The following LRPPRC variants were observed in gnomAD, a reference collection of about 807,000 sequenced individuals.
LRPPRC encodes the protein leucine-rich PPR motif-containing protein, mitochondrial.
LRPPRC carries 120 observed loss-of-function variants against 180.3 expected under a neutral mutation model. The observed-to-expected ratio is 0.67, with a 90% CI of 0.57 to 0.77. LRPPRC has a LOEUF of 0.77. Ranked by LOEUF, LRPPRC falls within the 30% of genes least tolerant of loss-of-function variation. The pLI is 0.00. For missense variants in LRPPRC, 2,012 were observed against 1,657.2 expected (o/e 1.21, Z -3.72); for synonymous variants, 723 against 600.0 (o/e 1.21, Z -3.00).
At chr2:43,990,091 C>T (rs1215190761) in intron 1 of LRPPRC, among the ~76,000 whole-genome samples, 7 of 151,866 alleles carry the variant, frequency 4.6e-5, no homozygotes, top group Non-Finnish European at 8.8e-5. Flanking sequence ...TGGTGGCATG[C>T]GCCTGTCGTC....
intron 32 of LRPPRC, among the ~76,000 whole-genome samples, chr2:43,900,389 C>G (rs1037265815): frequency 6.6e-6 from 1 of 151,866 alleles, no homozygotes; most frequent in Admixed American, 6.6e-5. Flanking sequence ...AATTCTCTAA[C>G]TAAAAATGAA....
chr2:43,962,270 T>A lies in LRPPRC; in HGVS notation c.1488+1318A>T, dbSNP rs180975746. ...ATATGTGGGAAAGTTACTTAAAAAA[T>A]TTTTTTTAACAGTAAAATATGTATA... On this transcript the variant is annotated intron_variant, in intron 12 of 37. Coordinates refer to ENST00000260665, the MANE Select transcript of LRPPRC (RefSeq NM_133259.4). Among the ~76,000 whole-genome samples, 175 of 152,100 alleles carry A rather than the reference T, an allele frequency of 1.2e-3. 1 individual carries two copies. The highest frequency in any genetic ancestry group is 7.9e-3 in the East Asian group (41 of 5,186).
At chr2:43,934,331 G>GAA in intron 24 of LRPPRC, 35 bp from the exon 25 acceptor site, 1 of 982,730 alleles carries the variant, frequency 1.0e-6, no homozygotes, top group Non-Finnish European at 1.6e-6. Flanking sequence ...TATATTAGGA[G>GAA]AAAAAAAAAC....
chr2:43,930,017 G>A (rs1209437518), intron 25 of LRPPRC, among the ~76,000 whole-genome samples: 3 of 151,994 alleles, frequency 2.0e-5, no homozygotes, highest in Non-Finnish European at 4.4e-5. Context: ...CTGTGTATAC[G>A]ATCCACGCTG....
At chr2:43,905,876 T>A in intron 30 of LRPPRC, 96 bp from the exon 31 acceptor site, 1 of 848,570 alleles carries the variant, frequency 1.2e-6, no homozygotes, top group Non-Finnish European at 2.0e-6. Flanking sequence ...AAACTACTGT[T>A]CGTATGTTAA....
intron 11 of LRPPRC, among the ~76,000 whole-genome samples, chr2:43,968,933 GGTT>G (rs982003387): frequency 2.1e-4 from 32 of 152,248 alleles, no homozygotes; most frequent in African/African-American, 7.5e-4. Context: ...GAAGGTTTAT[GGTT>G]GTTAATTAAC....
At chr2:43,938,211 C>G (rs1168917988) in intron 23 of LRPPRC, among the ~76,000 whole-genome samples, 1 of 151,850 alleles carries the variant, frequency 6.6e-6, no homozygotes, top group Non-Finnish European at 1.5e-5. Context: ...AGACACCCCC[C>G]TCAAAATTTC....
intron 30 of LRPPRC, among the ~76,000 whole-genome samples, chr2:43,911,011 G>C (rs369788281): frequency 1.3e-5 from 2 of 151,742 alleles, no homozygotes; most frequent in East Asian, 3.9e-4. Context: ...AGAGAGGGTT[G>C]GGATGGAGAG....
chr2:43,914,642 C>T (rs1213382588), intron 29 of LRPPRC, among the ~76,000 whole-genome samples: 1 of 151,294 alleles, frequency 6.6e-6, no homozygotes, highest in Admixed American at 6.6e-5. Context: ...GCTGGAGAAT[C>T]GCTTGAACCC....
intron 13 of LRPPRC, among the ~76,000 whole-genome samples, chr2:43,960,219 T>G (rs1673285561): frequency 6.6e-6 from 1 of 152,098 alleles, no homozygotes; most frequent in Admixed American, 6.6e-5. Flanking sequence ...TATCCCTGTT[T>G]AGTAAAAGTG....
intron 36 of LRPPRC, among the ~76,000 whole-genome samples, chr2:43,891,835 C>G (rs1168626595): frequency 6.6e-6 from 1 of 152,244 alleles, no homozygotes; most frequent in Non-Finnish European, 1.5e-5. Flanking sequence ...ACGCTGAAAG[C>G]TAGGCTTCTT....
intron 25 of LRPPRC, among the ~76,000 whole-genome samples, chr2:43,930,207 G>A (rs1251102823): frequency 2.6e-5 from 4 of 151,418 alleles, no homozygotes; most frequent in African/African-American, 7.4e-5. Flanking sequence ...CGGCTGCACC[G>A]TGATGGAAAG....
intron 30 of LRPPRC, among the ~76,000 whole-genome samples, chr2:43,907,373 C>A (rs141334747): frequency 1.3e-5 from 2 of 152,074 alleles, no homozygotes; most frequent in East Asian, 1.9e-4. Context: ...TAAAAAGTTG[C>A]GGGTAGAGAT....
intron 1 of LRPPRC, among the ~76,000 whole-genome samples, chr2:43,988,138 G>A (rs1674609684): frequency 6.6e-6 from 1 of 151,308 alleles, no homozygotes; most frequent in Non-Finnish European, 1.5e-5. Context: ...AACTCAGAAG[G>A]CTGAGGCAGG....
At chr2:43,950,715 G>A in intron 14 of LRPPRC, 115 bp from the exon 15 acceptor site, 1 of 775,086 alleles carries the variant, frequency 1.3e-6, no homozygotes, top group Non-Finnish European at 2.3e-6. Flanking sequence ...AATGTTTGCT[G>A]TATCAGGATG....
intron 23 of LRPPRC, 58 bp from the exon 24 acceptor site, chr2:43,934,936 A>C (rs1672224906): frequency 6.9e-7 from 1 of 1,447,116 alleles, no homozygotes; most frequent in African/African-American, 1.4e-5. Context: ...TTAGTCTCTT[A>C]GTAATACTTT....
At chr2:43,989,787 C>G (rs1559070626) in intron 1 of LRPPRC, among the ~76,000 whole-genome samples, 1 of 152,162 alleles carries the variant, frequency 6.6e-6, no homozygotes, top group African/African-American at 2.4e-5. Flanking sequence ...AAACGGGAAT[C>G]ACGGTATCTG....
intron 27 of LRPPRC, among the ~76,000 whole-genome samples, chr2:43,921,329 C>G (rs778157869): frequency 6.6e-6 from 1 of 152,030 alleles, no homozygotes; most frequent in Non-Finnish European, 1.5e-5. Context: ...ATGTTAAGAA[C>G]CCATAAATTC....
intron 23 of LRPPRC, among the ~76,000 whole-genome samples, chr2:43,938,741 G>C (rs949894227): frequency 6.6e-6 from 1 of 151,990 alleles, no homozygotes; most frequent in East Asian, 1.9e-4. Context: ...CATTTCTATG[G>C]GACATCCACC....
Sources: allele counts gnomAD v4.1 joint callset (sites outside exome capture counted in the v4.1 genomes callset), GRCh38; gene constraint gnomAD v4.1.1; transcripts MANE v1.5; gene names NCBI Gene and HGNC (gene_info 2026-07-23, HGNC 2026-07-21).